Variants in DLG2 observed in about 807,000 individuals in gnomAD.
DLG2 encodes disks large homolog 2.
A neutral mutation model predicts 132.5 loss-of-function variants in DLG2; 45 were observed. The ratio of observed to expected loss-of-function variants is 0.34; its 90% CI spans 0.27 to 0.44. DLG2 has a LOEUF of 0.44. Ranked by LOEUF, DLG2 falls within the 20% of genes least tolerant of loss-of-function variation. The probability of loss-of-function intolerance (pLI) is 1.00; values close to 1 mark genes in which losing one functional copy is unlikely to be tolerated. For synonymous variants in DLG2, 424 were observed against 419.6 expected (o/e 1.01, Z -0.13); for missense variants, 1,045 against 1,196.9 (o/e 0.87, Z 1.87).
chr11:84,145,707 T>C (rs1176778226), intron 9 of DLG2, among the ~76,000 whole-genome samples: 1 of 152,080 alleles, frequency 6.6e-6, no homozygotes, highest in African/African-American at 2.4e-5. Context: ...AAGACAGCAC[T>C]TGTTAATAAT....
chr11:84,915,652 C>T (rs1352911449), intron 6 of DLG2, among the ~76,000 whole-genome samples: 2 of 152,074 alleles, frequency 1.3e-5, no homozygotes, highest in East Asian at 3.9e-4. Context: ...TCATAATGAA[C>T]ATTAGAGAGG....
At chr11:83,724,458 C>CGTGTGT (rs150976898) in intron 18 of DLG2, among the ~76,000 whole-genome samples, 3,270 of 121,300 alleles carry the variant, frequency 0.027, 72 homozygotes, top group African/African-American at 0.045. Context: ...TCTCTCTCTC[C>CGTGTGT]GTGTGTGTGT....
chr11:84,841,260 G>C (rs1192307239), intron 6 of DLG2, among the ~76,000 whole-genome samples: 1 of 151,922 alleles, frequency 6.6e-6, no homozygotes, highest in African/African-American at 2.4e-5. Flanking sequence ...AAAGGAGAAG[G>C]GGATGAGGAG....
chr11:84,778,597 T>A (rs1166524713), intron 6 of DLG2, among the ~76,000 whole-genome samples: 3 of 152,140 alleles, frequency 2.0e-5, no homozygotes, highest in Non-Finnish European at 4.4e-5. Context: ...GATTTTTTAT[T>A]TGTGTTATCT....
chr11:85,424,618 T>C (rs959282985), intron 3 of DLG2, among the ~76,000 whole-genome samples: 1 of 152,204 alleles, frequency 6.6e-6, no homozygotes, highest in Non-Finnish European at 1.5e-5. Flanking sequence ...TCCCAGGGGT[T>C]AGGCATTACT....
chr11:84,040,754 G>A (rs1746313102), intron 11 of DLG2, among the ~76,000 whole-genome samples: 1 of 150,502 alleles, frequency 6.6e-6, no homozygotes, highest in East Asian at 2.0e-4. Flanking sequence ...CCAATTCTGT[G>A]AAGAAAGTCA....
intron 6 of DLG2, among the ~76,000 whole-genome samples, chr11:84,712,138 G>T (rs1337177159): frequency 6.6e-6 from 1 of 152,030 alleles, no homozygotes; most frequent in Non-Finnish European, 1.5e-5. Flanking sequence ...ACTTTCCCTG[G>T]ATATCCATAA....
chr11:84,231,688 T>C (rs1239064531), intron 8 of DLG2, among the ~76,000 whole-genome samples: 1 of 152,186 alleles, frequency 6.6e-6, no homozygotes, highest in Non-Finnish European at 1.5e-5. Context: ...AGTGAGTTTA[T>C]ATTTTATGAG....
intron 7 of DLG2, among the ~76,000 whole-genome samples, chr11:84,331,174 A>G (rs2154401221): frequency 6.6e-6 from 1 of 152,348 alleles, no homozygotes; most frequent in Non-Finnish European, 1.5e-5. Context: ...GCTGTGGAAC[A>G]GCTTCAATCA....
At chr11:84,807,883 C>G (rs189148167) in intron 6 of DLG2, among the ~76,000 whole-genome samples, 134 of 152,156 alleles carry the variant, frequency 8.8e-4, no homozygotes, top group Middle Eastern at 6.8e-3. Context: ...GACAAATAGA[C>G]AAACACATAA....
intron 3 of DLG2, among the ~76,000 whole-genome samples, chr11:85,578,580 C>G (rs1285702414): frequency 6.6e-6 from 1 of 152,116 alleles, no homozygotes; most frequent in Non-Finnish European, 1.5e-5. Flanking sequence ...AGGACATGAA[C>G]AGGCACCTTT....
At chr11:83,726,720 A>T (rs1182870409) in intron 18 of DLG2, among the ~76,000 whole-genome samples, 1 of 151,910 alleles carries the variant, frequency 6.6e-6, no homozygotes, top group African/African-American at 2.4e-5. Context: ...CAGTTATTGC[A>T]GACCCTGAGA....
At chr11:84,509,649 T>C (rs2099251678) in intron 7 of DLG2, among the ~76,000 whole-genome samples, 1 of 152,106 alleles carries the variant, frequency 6.6e-6, no homozygotes, top group South Asian at 2.1e-4. Flanking sequence ...TTACAAAGAA[T>C]TTGAAAATAA....
chr11:84,675,244 A>G (rs1565629897), intron 6 of DLG2, among the ~76,000 whole-genome samples: 1 of 152,082 alleles, frequency 6.6e-6, no homozygotes, highest in Non-Finnish European at 1.5e-5. Flanking sequence ...TGCTTTAACA[A>G]AACTCATCAT....
At chr11:85,227,251 A>G (rs1325155657) in intron 4 of DLG2, among the ~76,000 whole-genome samples, 1 of 152,180 alleles carries the variant, frequency 6.6e-6, no homozygotes, top group Non-Finnish European at 1.5e-5. Flanking sequence ...TGCTTTAAAT[A>G]AAATTATTTA....
chr11:84,443,370 T>A (rs1246118571), intron 7 of DLG2, among the ~76,000 whole-genome samples: 1 of 152,202 alleles, frequency 6.6e-6, no homozygotes, highest in African/African-American at 2.4e-5. Flanking sequence ...TAATTTTCAA[T>A]AAACACTCTT....
At chr11:85,589,343 A>C (rs2079165755) in intron 3 of DLG2, among the ~76,000 whole-genome samples, 1 of 152,164 alleles carries the variant, frequency 6.6e-6, no homozygotes, top group African/African-American at 2.4e-5. Context: ...ACCAGCTGTG[A>C]TAGAAGAGGG....
chr11:83,573,081 T>C (rs1214620936), intron 19 of DLG2, among the ~76,000 whole-genome samples: 1 of 152,222 alleles, frequency 6.6e-6, no homozygotes, highest in Non-Finnish European at 1.5e-5. Flanking sequence ...TTTCCCCAAC[T>C]AATTGATATG....
At position 84,165,768 on chromosome 11, in the gene DLG2, G is replaced by A. The variant is rs11233930; in HGVS notation, c.574-2257C>T. Among the ~76,000 whole-genome samples, 12 of 152,028 alleles carry A rather than the reference G, an allele frequency of 7.9e-5. No homozygotes were observed. The South Asian group carries it at 2.3e-3, about 29-fold the overall frequency. On this transcript the variant is annotated intron_variant, in intron 8 of 27. Coordinates refer to ENST00000376104, the MANE Select transcript of DLG2 (RefSeq NM_001142699.3). ...CAAAAATTAGCTGGGCATAGTGACAGGTGCCTGTAGTCCCAGCTACTTCAG... is the reference window on the plus strand; with the variant it reads ...CAAAAATTAGCTGGGCATAGTGACAAGTGCCTGTAGTCCCAGCTACTTCAG...
Sources: gnomAD v4.1 joint callset for allele counts (sites outside exome capture counted in the v4.1 genomes callset) on GRCh38, gnomAD v4.1.1 for gene constraint, MANE v1.5 for transcripts, NCBI Gene and HGNC (gene_info 2026-07-23, HGNC 2026-07-21) for gene names.